The following DAPL1 variants were observed in gnomAD, a reference collection of about 807,000 sequenced individuals.
DAPL1 encodes death associated protein like 1.
In DAPL1, 17 loss-of-function variants were observed where a neutral mutation model predicts 12.9. The ratio of observed to expected loss-of-function variants is 1.32; its 90% CI spans 0.90 to 1.98. The LOEUF is 1.98. DAPL1 is among the 30% of genes most tolerant of loss of function. The pLI, the probability that DAPL1 is intolerant of heterozygous loss-of-function variation, is 0.00. For synonymous variants in DAPL1, 51 were observed against 42.0 expected, an observed-to-expected ratio of 1.21 and a Z score of -0.82; for missense variants, 157 against 125.7, an observed-to-expected ratio of 1.25 and a Z score of -1.19.
chr2:158,800,065 A>AG (rs2059158577), intron 1 of DAPL1, among the ~76,000 whole-genome samples: 3 of 108,124 alleles, frequency 2.8e-5, no homozygotes, highest in African/African-American at 1.2e-4. Context: ...TCCATCTCAA[A>AG]AAAAAAAAAA....
intron 2 of DAPL1, among the ~76,000 whole-genome samples, chr2:158,805,394 G>A (rs1284355533): frequency 1.3e-5 from 2 of 152,310 alleles, no homozygotes; most frequent in Non-Finnish European, 2.9e-5. Flanking sequence ...GCGTCCTCAA[G>A]AGTGGAGGTC....
At chr2:158,804,788 C>A (rs1041788067) in intron 2 of DAPL1, among the ~76,000 whole-genome samples, 6 of 152,188 alleles carry the variant, frequency 3.9e-5, no homozygotes, top group Non-Finnish European at 7.3e-5. Flanking sequence ...AAATAAATGT[C>A]TTTTTTGTTT....
At chr2:158,804,254 T>C in intron 1 of DAPL1, 28 bp from the exon 2 acceptor site, 10 of 1,522,930 alleles carry the variant, frequency 6.6e-6, no homozygotes, top group Non-Finnish European at 9.0e-6. Flanking sequence ...CTGTTCTAAC[T>C]TCCATGCTGA....
chr2:158,799,510 G>A (rs2059153790), intron 1 of DAPL1, among the ~76,000 whole-genome samples: 1 of 151,940 alleles, frequency 6.6e-6, no homozygotes. Flanking sequence ...CTAGACCCCA[G>A]GAGATCATTG....
chr2:158,803,230 A>G (rs570126501), intron 1 of DAPL1, among the ~76,000 whole-genome samples: 35 of 152,238 alleles, frequency 2.3e-4, no homozygotes, highest in Non-Finnish European at 4.1e-4. Context: ...AAATAATTGT[A>G]GGAGGGAGAC....
chr2:158,808,615 GT>G (rs1313237415), intron 3 of DAPL1, among the ~76,000 whole-genome samples: 3 of 152,158 alleles, frequency 2.0e-5, no homozygotes, highest in Non-Finnish European at 4.4e-5. Flanking sequence ...CTCCACTCAG[GT>G]CGATTTAGGG....
intron 1 of DAPL1, among the ~76,000 whole-genome samples, chr2:158,801,640 A>G (rs999250586): frequency 3.9e-5 from 6 of 152,194 alleles, no homozygotes; most frequent in Non-Finnish European, 7.3e-5. Flanking sequence ...TCTGAGGCTT[A>G]TATACAAAAA....
intron 3 of DAPL1, among the ~76,000 whole-genome samples, chr2:158,812,089 A>G (rs2059234021): frequency 6.6e-6 from 1 of 152,204 alleles, no homozygotes; most frequent in Non-Finnish European, 1.5e-5. Flanking sequence ...TAGGGAGATG[A>G]GAAGGAGAAC....
chr2:158,798,606 T>G (rs1166083634), intron 1 of DAPL1, among the ~76,000 whole-genome samples: 2 of 152,022 alleles, frequency 1.3e-5, no homozygotes, highest in Non-Finnish European at 2.9e-5. Flanking sequence ...GGAGACTCAG[T>G]GAGATTGAGG....
intron 3 of DAPL1, among the ~76,000 whole-genome samples, chr2:158,813,876 A>G (rs1185524012): frequency 6.6e-6 from 1 of 150,936 alleles, no homozygotes; most frequent in African/African-American, 2.4e-5. Flanking sequence ...TTCTTTTCCT[A>G]CCTCCACCCA....
chr2:158,799,399 G>A (rs550570595), intron 1 of DAPL1, among the ~76,000 whole-genome samples: 2 of 151,854 alleles, frequency 1.3e-5, no homozygotes, highest in South Asian at 4.2e-4. Flanking sequence ...GGATCGATTT[G>A]GATACAGTGA....
intron 3 of DAPL1, among the ~76,000 whole-genome samples, chr2:158,811,349 TA>T (rs1162025984): frequency 6.6e-6 from 1 of 152,204 alleles, no homozygotes; most frequent in Non-Finnish European, 1.5e-5. Flanking sequence ...GCAGTTTGCT[TA>T]ACAGGGTGTG....
intron 2 of DAPL1, among the ~76,000 whole-genome samples, chr2:158,805,916 C>T (rs966766678): frequency 6.7e-6 from 1 of 148,182 alleles, no homozygotes; most frequent in Non-Finnish European, 1.5e-5. Flanking sequence ...ACTTTCAGGG[C>T]CATTTTAAAA....
intron 1 of DAPL1, among the ~76,000 whole-genome samples, chr2:158,799,723 T>A (rs1215013094): frequency 1.3e-5 from 2 of 152,194 alleles, no homozygotes; most frequent in African/African-American, 4.8e-5. Flanking sequence ...ACAAGAACTC[T>A]GTTCTGGAAA....
intron 3 of DAPL1, among the ~76,000 whole-genome samples, chr2:158,809,357 C>CAAAAAAAAAAAAAAAAAAAAAAA (rs10526986): frequency 5.8e-5 from 4 of 69,542 alleles, no homozygotes; most frequent in Non-Finnish European, 1.1e-4. Context: ...GACTCCATCT[C>CAAAAAAAAAAAAAAAAAAAAAAA]AAAAAAAAAA....
In DAPL1 at chr2:158,815,749, A is replaced by C; in HGVS notation, c.252A>C (p.Lys84Asn). Residue 84 changes from lysine (K) to asparagine (N), a missense_variant, in exon 4 of 4, where the codon AAA becomes AAC. By Grantham distance (94) the Lys-to-Asn change is moderately conservative (BLOSUM62 0). Coordinates refer to ENST00000309950, the MANE Select transcript of DAPL1 (RefSeq NM_001017920.3). Reference protein sequence around the residue: ...FPATVHMAHQKPTPALEKVVP... With the variant: ...FPATVHMAHQNPTPALEKVVP... ...CAACAGTGCACATGGCGCATCAAAA[A>C]CCCACACCTGCTCTGGAAAAGGTTG... The C allele has an allele frequency of 6.2e-7, 1 of 1,614,072 alleles. No individual in the cohort carries two copies. Among genetic ancestry groups the C allele is most frequent in the Non-Finnish European group, 8.5e-7 (1 of 1,179,970 alleles).
intron 1 of DAPL1, among the ~76,000 whole-genome samples, chr2:158,797,956 G>A (rs2059144072): frequency 6.6e-6 from 1 of 152,108 alleles, no homozygotes; most frequent in Non-Finnish European, 1.5e-5. Flanking sequence ...AAAACACAAG[G>A]TGGCCTGGGC....
At chr2:158,795,561 G>A in intron 1 of DAPL1, 131 bp downstream of exon 1, 2 of 839,050 alleles carry the variant, frequency 2.4e-6, no homozygotes, top group Admixed American at 2.2e-5. Context: ...CATGCAGCCT[G>A]ACTTCCTCTT....
At chr2:158,799,931 G>T (rs1374537619) in intron 1 of DAPL1, among the ~76,000 whole-genome samples, 1 of 151,980 alleles carries the variant, frequency 6.6e-6, no homozygotes, top group East Asian at 1.9e-4. Context: ...GGGTGTGGTG[G>T]CGGGCACCTG....
Sources: gnomAD v4.1 joint callset for allele counts (sites outside exome capture counted in the v4.1 genomes callset) on GRCh38, gnomAD v4.1.1 for gene constraint, MANE v1.5 for transcripts, NCBI Gene and HGNC (gene_info 2026-07-23, HGNC 2026-07-21) for gene names.